ZC3H12B: variants seen among roughly 807,000 people sequenced by gnomAD.
The protein encoded by ZC3H12B is zinc finger CCCH-type containing 12B.
In ZC3H12B, 7 loss-of-function variants were observed where a neutral mutation model predicts 43.9. That is an observed-to-expected ratio of 0.16 (90% CI 0.09 to 0.30). ZC3H12B has a LOEUF of 0.30. Among genes scored for constraint, ZC3H12B ranks in the 10% least tolerant of loss-of-function variants. The probability of loss-of-function intolerance (pLI) is 1.00; values close to 1 mark genes in which losing one functional copy is unlikely to be tolerated. For missense variants in ZC3H12B, 475 were observed against 670.2 expected, an observed-to-expected ratio of 0.71 and a Z score of 3.22; for synonymous variants, 222 against 241.7, an observed-to-expected ratio of 0.92 and a Z score of 0.76.
At chrX:65,507,837 A>G (rs1384833520) in exon 5 of ZC3H12B, 1 of 112,641 alleles carries the variant, frequency 8.9e-6, no homozygotes, top group African/African-American at 3.2e-5. Flanking sequence ...GCTGACAACA[A>G]TGAACTGTAA....
chrX:65,169,156 C>A, the ZC3H12B span, among the ~76,000 whole-genome samples: 3 of 111,650 alleles, frequency 2.7e-5, no homozygotes, highest in Admixed American at 2.9e-4. Flanking sequence ...TTCCTGCTTT[C>A]TCTCGTGGTC....
the ZC3H12B span, among the ~76,000 whole-genome samples, chrX:65,123,729 C>CTT: frequency 4.8e-4 from 34 of 71,546 alleles, 1 homozygote; most frequent in East Asian, 7.7e-3. Context: ...GTTGTTGTTT[C>CTT]TTTTTTTTTT....
upstream of ZC3H12B, among the ~76,000 whole-genome samples, chrX:65,485,216 T>C (rs1472797763): frequency 8.9e-6 from 1 of 112,182 alleles, no homozygotes; most frequent in Non-Finnish European, 1.9e-5. Context: ...ATACATTCAT[T>C]TGTGGATTTT....
the ZC3H12B span, among the ~76,000 whole-genome samples, chrX:65,156,998 TCAGA>T: frequency 1.8e-5 from 2 of 111,681 alleles, no homozygotes; most frequent in Non-Finnish European, 3.8e-5. Context: ...TTATTAATTT[TCAGA>T]CAGTGTCTTA....
At chrX:65,087,789 A>G in the ZC3H12B span, among the ~76,000 whole-genome samples, 1 of 112,124 alleles carries the variant, frequency 8.9e-6, no homozygotes, top group East Asian at 2.8e-4. Context: ...ATGTCAGTAG[A>G]AAACTTCAGA....
intron 3 of ZC3H12B, among the ~76,000 whole-genome samples, chrX:65,410,117 A>C (rs1418817572): frequency 2.5e-4 from 28 of 109,812 alleles, no homozygotes; most frequent in African/African-American, 8.9e-4. Context: ...GAAAAAAAAA[A>C]AAAAAAAAAC....
the ZC3H12B span, among the ~76,000 whole-genome samples, chrX:65,120,924 T>C: frequency 8.9e-6 from 1 of 111,885 alleles, no homozygotes; most frequent in Admixed American, 9.5e-5. Context: ...GTTTTTGTCA[T>C]TGGTTCTATT....
At chrX:65,431,136 T>A (rs1242156296) in intron 3 of ZC3H12B, among the ~76,000 whole-genome samples, 1 of 112,666 alleles carries the variant, frequency 8.9e-6, no homozygotes, top group Non-Finnish European at 1.9e-5. Flanking sequence ...TCTTTTCTTG[T>A]GAAGTGGGTT....
chrX:65,073,147 G>A, the ZC3H12B span, among the ~76,000 whole-genome samples: 1 of 112,324 alleles, frequency 8.9e-6, no homozygotes, highest in Admixed American at 9.3e-5. Context: ...GAGGAAGAAT[G>A]CAATCACACT....
At chrX:65,247,729 G>A in the ZC3H12B span, among the ~76,000 whole-genome samples, 1 of 111,846 alleles carries the variant, frequency 8.9e-6, no homozygotes, top group African/African-American at 3.3e-5. Flanking sequence ...GGGACTGTTG[G>A]TGGGGAGGAG....
At chrX:65,215,296 G>A in the ZC3H12B span, among the ~76,000 whole-genome samples, 26 of 111,795 alleles carry the variant, frequency 2.3e-4, no homozygotes, top group African/African-American at 8.4e-4. Context: ...AGCTGTGAAA[G>A]TCGTCGATGG....
chrX:65,082,421 A>G, the ZC3H12B span, among the ~76,000 whole-genome samples: 1 of 111,899 alleles, frequency 8.9e-6, no homozygotes, highest in Admixed American at 9.5e-5. Context: ...TTAGAAGTGA[A>G]AAAGCATACA....
At chrX:65,459,702 T>G (rs1252183911) in intron 3 of ZC3H12B, among the ~76,000 whole-genome samples, 6 of 111,542 alleles carry the variant, frequency 5.4e-5, no homozygotes, top group Admixed American at 9.5e-5. Context: ...TTGATGGGAC[T>G]TATCTCAAAA....
the ZC3H12B span, among the ~76,000 whole-genome samples, chrX:65,228,033 T>G: frequency 8.9e-6 from 1 of 111,834 alleles, no homozygotes; most frequent in East Asian, 2.8e-4. Flanking sequence ...ACTCATTTTA[T>G]GAGGCCAGCA....
At chrX:65,229,089 C>A in the ZC3H12B span, among the ~76,000 whole-genome samples, 2 of 109,923 alleles carry the variant, frequency 1.8e-5, no homozygotes, top group Non-Finnish European at 3.8e-5. Context: ...AATCCTAAGC[C>A]AAAAGAACAA....
At chrX:65,277,578 A>G in the ZC3H12B span, among the ~76,000 whole-genome samples, 2 of 112,332 alleles carry the variant, frequency 1.8e-5, no homozygotes, top group Non-Finnish European at 3.8e-5. Context: ...GTGAAATGAT[A>G]CAAGTGAATG....
chrX:65,232,069 A>G, the ZC3H12B span, among the ~76,000 whole-genome samples: 1 of 93,910 alleles, frequency 1.1e-5, no homozygotes, highest in Non-Finnish European at 1.9e-5. Flanking sequence ...CCCCGTCTCT[A>G]CTAACAATAC....
intron 3 of ZC3H12B, among the ~76,000 whole-genome samples, chrX:65,414,932 A>T (rs1033802276): frequency 8.9e-6 from 1 of 112,410 alleles, no homozygotes; most frequent in African/African-American, 3.2e-5. Context: ...GCCAAATATG[A>T]GTGAACAATG....
At chrX:65,135,870 C>A in the ZC3H12B span, among the ~76,000 whole-genome samples, 1 of 104,650 alleles carries the variant, frequency 9.6e-6, no homozygotes, top group African/African-American at 3.5e-5. Flanking sequence ...TTTTTCAGTT[C>A]TAAAATCTCC....
Sources: allele counts gnomAD v4.1 joint callset (sites outside exome capture counted in the v4.1 genomes callset), GRCh38; gene constraint gnomAD v4.1.1; transcripts MANE v1.5; gene names NCBI Gene and HGNC (gene_info 2026-07-23, HGNC 2026-07-21).